Variants in ZNF320 observed in about 807,000 individuals in gnomAD.
ZNF320 encodes zinc finger gene 320.
ZNF320 carries 2 observed loss-of-function variants against 6.8 expected under a neutral mutation model. That is an observed-to-expected ratio of 0.29 (90% CI 0.12 to 0.93). The LOEUF (loss-of-function observed/expected upper bound fraction) is 0.93. Among genes scored for constraint, ZNF320 ranks in the 40% least tolerant of loss-of-function variants. The probability of loss-of-function intolerance (pLI) is 0.55; values close to 1 mark genes in which losing one functional copy is unlikely to be tolerated. For synonymous variants in ZNF320, 208 were observed against 203.2 expected (o/e 1.02, Z -0.20); for missense variants, 472 against 611.0 (o/e 0.77, Z 2.40).
rs748942311 is a variant in ZNF320 at position 52,881,176 on chromosome 19, G to GC, written c.949dup (p.Ala317GlyfsTer5). 6.2e-7 allele frequency: 1 copy of GC among 1,614,054 alleles called. No homozygotes were observed. Among genetic ancestry groups the GC allele is most frequent in the South Asian group, 1.1e-5 (1 of 91,076 alleles). On this transcript the variant is annotated frameshift_variant, in exon 6 of 6. Transcript: ENST00000682928. LOFTEE classifies it low-confidence loss of function (END_TRUNC). ...TCCAGTGTGAACTCTACGATGTCCT[G>GC]CAAGAGTTGCTCGTTGCTTAAAAAC...
chr19:52,896,060 T>C (rs905106801), intron 1 of ZNF320, among the ~76,000 whole-genome samples: 4 of 152,172 alleles, frequency 2.6e-5, no homozygotes, highest in Non-Finnish European at 5.9e-5. Context: ...TGATGTGAGC[T>C]CATAAGATTC....
intron 4 of ZNF320, among the ~76,000 whole-genome samples, chr19:52,889,906 T>C (rs547262744): frequency 2.0e-4 from 31 of 152,258 alleles, no homozygotes; most frequent in African/African-American, 7.2e-4. Flanking sequence ...CTAATCCTGG[T>C]CCACGGAGAG....
At chr19:52,860,046 G>A (rs988941269), downstream of ZNF320, among the ~76,000 whole-genome samples, 10 of 152,006 alleles carry the variant, frequency 6.6e-5, no homozygotes, top group African/African-American at 2.4e-4. Flanking sequence ...CAGAGTAGCT[G>A]GGACTACAGG....
intron 5 of ZNF320, among the ~76,000 whole-genome samples, chr19:52,868,930 G>C: frequency 6.6e-6 from 1 of 152,120 alleles, no homozygotes; most frequent in Non-Finnish European, 1.5e-5. Context: ...CTCAGTGAGA[G>C]TAGTGTTGGA....
At chr19:52,865,424 G>C (rs1394355970) in intron 5 of ZNF320, 3 of 202,368 alleles carry the variant, frequency 1.5e-5, no homozygotes, top group Non-Finnish European at 2.7e-5. Flanking sequence ...TTCTGTGCAG[G>C]GTCCAGGCTT....
chr19:52,890,498 G>A (rs1219882964), intron 3 of ZNF320, 170 bp from the exon 4 acceptor site: 4 of 548,406 alleles, frequency 7.3e-6, no homozygotes, highest in Non-Finnish European at 1.2e-5. Context: ...CCTACTGGAG[G>A]AGTCCACACA....
chr19:52,896,062 A>G (rs910027306), intron 1 of ZNF320, among the ~76,000 whole-genome samples: 4 of 152,182 alleles, frequency 2.6e-5, no homozygotes, highest in South Asian at 2.1e-4. Context: ...ATGTGAGCTC[A>G]TAAGATTCTA....
chr19:52,862,614 G>T, exon 6 of ZNF320: 1 of 488,004 alleles, frequency 2.0e-6, no homozygotes. Context: ...TGGATTGCTT[G>T]ATGGTGAATA....
rs773793926 is a variant in ZNF320 at position 52,881,489 on chromosome 19, C to T, written c.637G>A (p.Gly213Arg). 2.5e-5 allele frequency: 41 copies of T among 1,613,884 alleles called. No homozygotes were observed. The highest frequency in any genetic ancestry group is 2.2e-5 in the Non-Finnish European group (26 of 1,180,024). ...TCATTACATGTGTAATGTTTGTCTC[C>T]CCTGTGAATTCTAGTATGTTTTGCC... Reference protein sequence around the residue: ...HLAKHTRIHRGDKHYTCNECG... With the variant: ...HLAKHTRIHRRDKHYTCNECG... Residue 213 changes from glycine to arginine, a missense_variant, in exon 6 of 6, where the codon GGA becomes AGA. By Grantham distance (125) the Gly-to-Arg change is moderately radical. Transcript: ENST00000682928.
downstream of ZNF320, among the ~76,000 whole-genome samples, chr19:52,874,982 G>A (rs1281313582): frequency 1.3e-5 from 2 of 152,096 alleles, no homozygotes; most frequent in Admixed American, 1.3e-4. Flanking sequence ...TGAAGTCAGA[G>A]GGGTCCTGGG....
chr19:52,874,008 C>T, downstream of ZNF320: 1 of 465,428 alleles, frequency 2.1e-6, no homozygotes, highest in Non-Finnish European at 4.3e-6. Context: ...AAGAGCCATC[C>T]CTGGCTCCTT....
chr19:52,881,228 G>T lies in ZNF320; in HGVS notation c.898C>A (p.Pro300Thr), dbSNP rs966146174. The change falls in exon 6 of 6, where the codon CCC becomes ACC. Residue 300 changes from proline (P) to threonine (T), a missense_variant. Coordinates refer to ENST00000682928, the MANE Select transcript of ZNF320 (RefSeq NM_001351774.2). ...TTGCCACATTCATTACACTTATAGG[G>T]TTTCTCTGCAGTATGAACTGCCTTA... ...IHKAVHTAEK[P>T]YKCNECGKVF... 6.2e-7 allele frequency: 1 copy of T among 1,614,114 alleles called. No individual in the cohort carries two copies. Among genetic ancestry groups the T allele is most frequent in the Non-Finnish European group, 8.5e-7 (1 of 1,180,038 alleles).
chr19:52,885,591 C>G (rs975307335), intron 5 of ZNF320, among the ~76,000 whole-genome samples: 3 of 152,120 alleles, frequency 2.0e-5, no homozygotes, highest in African/African-American at 7.2e-5. Flanking sequence ...TGGCCAGCAC[C>G]TGTAGTCCCA....
intron 4 of ZNF320, among the ~76,000 whole-genome samples, chr19:52,888,995 C>T (rs2064198180): frequency 6.6e-6 from 1 of 151,874 alleles, no homozygotes; most frequent in Non-Finnish European, 1.5e-5. Context: ...ACTAGCCTGG[C>T]CAACATGGTG....
Position 52,879,325 on chromosome 19 carries a change from A to G in ZNF320, c.*1271T>C, listed in dbSNP as rs1260814960. The G allele has an allele frequency of 6.5e-6, 1 of 154,062 alleles. No homozygotes were observed. The highest frequency in any genetic ancestry group is 2.4e-5 in the African/African-American group (1 of 41,456). 9.5% of individuals were successfully genotyped at this position (154,062 alleles called of 1,614,324 possible). On this transcript the variant is annotated 3_prime_UTR_variant, in exon 6 of 6. Transcript: ENST00000682928. ...ATAGTCAAGCAAATCAATGTGATAT[A>G]CCACTTGAACATAATGAAAGATGAA...
At chr19:52,889,010 C>T (rs2064199115) in intron 4 of ZNF320, among the ~76,000 whole-genome samples, 1 of 151,928 alleles carries the variant, frequency 6.6e-6, no homozygotes, top group Non-Finnish European at 1.5e-5. Context: ...ATGGTGAAAC[C>T]ACATCTTAAC....
chr19:52,861,915 A>T, exon 6 of ZNF320: 1 of 358,064 alleles, frequency 2.8e-6, no homozygotes, highest in Non-Finnish European at 5.6e-6. Context: ...TGCCATAATT[A>T]TCACACCTGT....
In ZNF320 at chr19:52,890,257, C is replaced by T; in HGVS notation, c.-2G>A. The T allele has an allele frequency of 5.0e-6, 8 of 1,607,412 alleles. No individual in the cohort carries two copies. The highest frequency in any genetic ancestry group is 6.8e-6 in the Non-Finnish European group (8 of 1,179,708). On this transcript the variant is annotated 5_prime_UTR_variant, in exon 4 of 6. Transcript: ENST00000682928. ...TCATCTCACCTGAGAAAGAGCCATCCCCGACTCCTTTGCTTTCCTCTTCCT... is the reference window on the plus strand; with the variant it reads ...TCATCTCACCTGAGAAAGAGCCATCTCCGACTCCTTTGCTTTCCTCTTCCT...
At position 52,878,570 on chromosome 19, in the gene ZNF320, T is replaced by A. The variant is rs2063826691; in HGVS notation, c.*2026A>T. On this transcript the variant is annotated 3_prime_UTR_variant, in exon 6 of 6. Transcript: ENST00000682928. ...GTCCTGTGCATCACTTTCAACATCA[T>A]CTTGTCCCAACTTAAAATAAGTTTT... The A allele has an allele frequency of 6.6e-6, 1 of 152,096 alleles. No individual in the cohort carries two copies. Among genetic ancestry groups the A allele is most frequent in the Non-Finnish European group, 1.5e-5 (1 of 68,010 alleles). 9.4% of individuals were successfully genotyped at this position (152,096 alleles called of 1,614,324 possible). A position where few individuals can be genotyped will look rare whatever the true frequency, so the allele number is the denominator to read the frequency against.
Sources: gnomAD v4.1 joint callset for allele counts (sites outside exome capture counted in the v4.1 genomes callset) on GRCh38, gnomAD v4.1.1 for gene constraint, MANE v1.5 for transcripts, NCBI Gene and HGNC (gene_info 2026-07-23, HGNC 2026-07-21) for gene names.